The following MTERF4 variants were observed in gnomAD, a reference collection of about 807,000 sequenced individuals.
The protein encoded by MTERF4 is transcription termination factor 4, mitochondrial.
In MTERF4, 17 loss-of-function variants were observed where a neutral mutation model predicts 22.5. The ratio of observed to expected loss-of-function variants is 0.75; its 90% CI spans 0.52 to 1.13. MTERF4 has a LOEUF of 1.13. Among genes scored for constraint, MTERF4 ranks in the 50% most tolerant of loss-of-function variants. The pLI is 0.00. For missense variants in MTERF4, 420 were observed against 466.8 expected (o/e 0.90, Z 0.92); for synonymous variants, 165 against 175.3 (o/e 0.94, Z 0.47).
downstream of MTERF4, chr2:241,089,496 C>A (rs577779436): frequency 3.1e-5 from 45 of 1,451,788 alleles, 1 homozygote; most frequent in South Asian, 5.6e-4. Context: ...AGGTCTGGGC[C>A]GGAGCTCCGC....
chr2:241,062,803 G>A, the MTERF4 span: 1 of 1,609,608 alleles, frequency 6.2e-7, no homozygotes, highest in Non-Finnish European at 8.5e-7. Flanking sequence ...ATCGATGAGT[G>A]CCGGTCTCAG....
At chr2:241,064,978 C>A in the MTERF4 span, 1 of 1,540,310 alleles carries the variant, frequency 6.5e-7, no homozygotes, top group Non-Finnish European at 8.7e-7. The surrounding 1 kb of genome is among the most constrained non-coding windows in gnomAD (Gnocchi z 7.0). Context: ...AGGGCGCCTC[C>A]AGTGAGGGAG....
chr2:241,090,183 G>GT (rs1270794145), downstream of MTERF4: 1 of 1,465,926 alleles, frequency 6.8e-7, no homozygotes, highest in African/African-American at 1.4e-5. Flanking sequence ...TCTGTCCTTA[G>GT]TGCTTTTCTC....
In MTERF4 at chr2:241,081,920, G is replaced by T. The variant is rs557160404; in HGVS notation, n.480-6238C>A. On this transcript the variant is annotated intron_variant and non_coding_transcript_variant, in intron 4 of 4. Transcript: ENST00000464344. ...GATGAGGTGCCAGACAGGGAGTCTG[G>T]TGCACGGGGCTGACCCCTGAGCCCC... 3 of 731,200 alleles carry T rather than the reference G, an allele frequency of 4.1e-6. No homozygotes were observed. The African/African-American group carries it at 5.2e-5, about 13-fold the overall frequency. The allele number at this position is 731,200 out of a possible 1,614,324, so 45.3% of individuals were successfully genotyped here. A position where few individuals can be genotyped will look rare whatever the true frequency, so the allele number is the denominator to read the frequency against.
the MTERF4 span, chr2:241,063,533 G>A: frequency 1.0e-5 from 12 of 1,199,654 alleles, no homozygotes; most frequent in South Asian, 1.6e-4. Flanking sequence ...CTGGGGGCAT[G>A]TGGGCGCCTC....
At chr2:241,063,764 G>A in the MTERF4 span, 1 of 1,225,002 alleles carries the variant, frequency 8.2e-7, no homozygotes, top group Non-Finnish European at 1.2e-6. Flanking sequence ...CAGAGAGGAG[G>A]TGGGGCATCC....
intron 1 of MTERF4, 119 bp from the exon 2 acceptor site, chr2:241,100,013 T>C (rs1247026279): frequency 7.8e-7 from 1 of 1,288,884 alleles, no homozygotes; most frequent in Admixed American, 2.8e-5. Context: ...ACAATTTTTA[T>C]AAGCAATCTG....
the MTERF4 span, among the ~76,000 whole-genome samples, chr2:241,061,220 G>A: frequency 1.3e-5 from 2 of 152,024 alleles, no homozygotes; most frequent in Admixed American, 6.6e-5. Flanking sequence ...AACATGCATA[G>A]GCATTTCATG....
the MTERF4 span, among the ~76,000 whole-genome samples, chr2:241,066,687 C>T: frequency 6.6e-6 from 1 of 152,142 alleles, no homozygotes; most frequent in Non-Finnish European, 1.5e-5. Context: ...CAGCAGGGCC[C>T]TGCGGGGCGG....
chr2:241,067,797 A>T, downstream of MTERF4: 1 of 1,611,996 alleles, frequency 6.2e-7, no homozygotes, highest in African/African-American at 1.3e-5. Context: ...GAGGTCACCA[A>T]TGTGACGGCT....
At chr2:241,043,962 G>T in the MTERF4 span, among the ~76,000 whole-genome samples, 1 of 152,190 alleles carries the variant, frequency 6.6e-6, no homozygotes, top group Admixed American at 6.5e-5. Context: ...ATATTGTAAG[G>T]TCCCTATATT....
the MTERF4 span, among the ~76,000 whole-genome samples, chr2:241,057,235 TG>T: frequency 2.6e-5 from 4 of 151,414 alleles, no homozygotes; most frequent in African/African-American, 9.7e-5. Flanking sequence ...AAAAATTAGC[TG>T]GGCATGGTGG....
chr2:241,062,898 G>A, the MTERF4 span: 3 of 1,598,096 alleles, frequency 1.9e-6, no homozygotes, highest in Non-Finnish European at 2.6e-6. Context: ...CGCCCACTGT[G>A]AGCTGGGTAA....
At chr2:241,088,950 C>T (rs1484846093), downstream of MTERF4, 2 of 222,344 alleles carry the variant, frequency 9.0e-6, no homozygotes, top group Non-Finnish European at 1.8e-5. Context: ...GCTAGAAAGT[C>T]GTCACTGACA....
chr2:241,062,546 C>T, the MTERF4 span, among the ~76,000 whole-genome samples: 1 of 152,146 alleles, frequency 6.6e-6, no homozygotes. Flanking sequence ...AGTCCCACAG[C>T]GTCTTCTGGG....
downstream of MTERF4, chr2:241,082,413 G>T (rs773335144): frequency 1.4e-6 from 2 of 1,459,918 alleles, no homozygotes; most frequent in East Asian, 4.6e-5. Flanking sequence ...GTGTGTTCTT[G>T]ACTCCTCAAA....
the MTERF4 span, chr2:241,063,846 G>A: frequency 2.6e-6 from 2 of 768,050 alleles, no homozygotes; most frequent in African/African-American, 3.5e-5. Flanking sequence ...GGAGGGAGGG[G>A]TGGAGGTGAG....
intron 1 of MTERF4, among the ~76,000 whole-genome samples, chr2:241,100,828 A>G (rs535171125): frequency 6.6e-6 from 1 of 152,300 alleles, no homozygotes; most frequent in East Asian, 1.9e-4. Context: ...AACGTTATAC[A>G]CTGATTTTCA....
At chr2:241,088,078 A>G (rs2063676779), downstream of MTERF4, 3 of 472,420 alleles carry the variant, frequency 6.4e-6, no homozygotes, top group South Asian at 9.0e-5. Flanking sequence ...GCTCTTCCCT[A>G]GGGTAGCTTT....
Sources: gnomAD v4.1 joint callset for allele counts (sites outside exome capture counted in the v4.1 genomes callset) on GRCh38, gnomAD v4.1.1 for gene constraint, Gnocchi (gnomAD v3.1) non-coding constraint, MANE v1.5 for transcripts, NCBI Gene and HGNC (gene_info 2026-07-23, HGNC 2026-07-21) for gene names.